Variants in IVD observed in about 807,000 individuals in gnomAD.
IVD encodes isovaleryl-CoA dehydrogenase, mitochondrial.
A neutral mutation model predicts 51.3 loss-of-function variants in IVD; 31 were observed. That is an observed-to-expected ratio of 0.60 (90% CI 0.45 to 0.81). IVD has a LOEUF of 0.81. IVD is among the 40% of genes least tolerant of loss of function. IVD has a pLI of 0.00. For missense variants in IVD, 475 were observed against 552.0 expected, an observed-to-expected ratio of 0.86 and a Z score of 1.40; for synonymous variants, 205 against 219.4, an observed-to-expected ratio of 0.93 and a Z score of 0.58.
downstream of IVD, among the ~76,000 whole-genome samples, chr15:40,425,965 TA>T (rs1174104741): frequency 3.9e-5 from 3 of 77,648 alleles, no homozygotes; most frequent in South Asian, 6.0e-4. Context: ...CCAGTCCGGC[TA>T]TTTTTTTTTT....
In IVD at chr15:40,412,978, GT is replaced by G; in HGVS notation, c.688-10del. 1 of 1,612,142 alleles carries G rather than the reference GT, an allele frequency of 6.2e-7. No homozygotes were observed. The highest frequency in any genetic ancestry group is 8.5e-7 in the Non-Finnish European group (1 of 1,178,204). Reference sequence around the variant, plus strand: ...TAATCTGTAACCAGGACCACCTTTTGTTTCCTGTAAAGGGTATGCCTGGCTT... The same window carrying G: ...TAATCTGTAACCAGGACCACCTTTTGTTCCTGTAAAGGGTATGCCTGGCTT... On this transcript the variant is annotated splice_polypyrimidine_tract_variant and intron_variant, in intron 6 of 11. Coordinates refer to ENST00000487418, the MANE Select transcript of IVD (RefSeq NM_002225.5).
At position 40,405,988 on chromosome 15, in the gene IVD, C is replaced by T; in HGVS notation, c.144+17C>T. 2 of 1,595,940 alleles carry T rather than the reference C, an allele frequency of 1.3e-6. No homozygotes were observed. Among genetic ancestry groups the T allele is most frequent in the Non-Finnish European group, 1.7e-6 (2 of 1,171,606 alleles). ...CAGAGGCAGGTGAGGAGACTGACCC[C>T]CTTCCTGGCCCCAAGGCCTCCTTCC... On this transcript the variant is annotated intron_variant, in intron 1 of 11. Transcript: ENST00000487418.
chr15:40,430,564 C>T (rs535157036), intron 7 of IVD, among the ~76,000 whole-genome samples: 3 of 152,184 alleles, frequency 2.0e-5, no homozygotes, highest in South Asian at 2.1e-4. Flanking sequence ...AGAGTGGATG[C>T]GGGAGGCTGG....
At chr15:40,415,595 G>T in intron 9 of IVD, 113 bp downstream of exon 9, 1 of 890,750 alleles carries the variant, frequency 1.1e-6, no homozygotes, top group Non-Finnish European at 1.8e-6. Context: ...CTAGCAAATT[G>T]AGCTTGACTG....
intron 4 of IVD, 35 bp downstream of exon 4, chr15:40,410,832 A>C: frequency 1.7e-4 from 273 of 1,605,338 alleles, no homozygotes; most frequent in Non-Finnish European, 2.2e-4. Context: ...CGCTAATCTC[A>C]CAGTGCAACC....
chr15:40,430,813 A>G (rs1240812236), intron 7 of IVD, among the ~76,000 whole-genome samples: 2 of 152,202 alleles, frequency 1.3e-5, no homozygotes, highest in African/African-American at 4.8e-5. Flanking sequence ...TTCTTGAAAG[A>G]CCATATTGAT....
At chr15:40,415,212 C>T (rs775595624) in intron 8 of IVD, 189 bp from the exon 9 acceptor site, 21 of 733,000 alleles carry the variant, frequency 2.9e-5, no homozygotes, top group African/African-American at 1.1e-4. Context: ...GTGGCTTACT[C>T]GGCTGTGAAA....
At chr15:40,413,562 C>A (rs1481448644) in intron 7 of IVD, among the ~76,000 whole-genome samples, 1 of 152,112 alleles carries the variant, frequency 6.6e-6, no homozygotes, top group East Asian at 1.9e-4. Flanking sequence ...AGTATTTTCT[C>A]CCCTGAGGTG....
At chr15:40,434,265 A>G (rs1290203736) in intron 8 of IVD, among the ~76,000 whole-genome samples, 1 of 152,248 alleles carries the variant, frequency 6.6e-6, no homozygotes, top group Non-Finnish European at 1.5e-5. Flanking sequence ...CAAAAATTTC[A>G]GCATTGGCCC....
chr15:40,407,152 CA>C (rs1890531157), intron 1 of IVD, among the ~76,000 whole-genome samples: 2 of 152,230 alleles, frequency 1.3e-5, no homozygotes, highest in Non-Finnish European at 2.9e-5. Context: ...CATGAGCCAC[CA>C]TGCCCAGCCG....
At chr15:40,406,278 C>G in intron 1 of IVD, 1 of 1,441,820 alleles carries the variant, frequency 6.9e-7, no homozygotes, top group Non-Finnish European at 9.2e-7. Flanking sequence ...GGAGGATTGG[C>G]CAGGCTACCT....
chr15:40,410,610 G>C lies in IVD; in HGVS notation c.287-18G>C, dbSNP rs758022841. 15 of 1,614,048 alleles carry C rather than the reference G, an allele frequency of 9.3e-6. 1 individual carries two copies. The South Asian group carries it at 1.5e-4, about 17-fold the overall frequency. On this transcript the variant is annotated intron_variant, in intron 3 of 11. Transcript: ENST00000487418. ...TCTGGGCTGCGTTTTCCACTCCCTT[G>C]TACCACACCACTCACAGTTCAGTAT...
At chr15:40,432,988 T>G (rs965628208) in intron 7 of IVD, among the ~76,000 whole-genome samples, 1 of 152,224 alleles carries the variant, frequency 6.6e-6, no homozygotes, top group Non-Finnish European at 1.5e-5. Context: ...ATGAAATAGA[T>G]TCACAATTGC....
intron 1 of IVD, 91 bp downstream of exon 1, chr15:40,406,062 G>C: frequency 6.7e-7 from 1 of 1,492,454 alleles, no homozygotes; most frequent in South Asian, 1.3e-5. Flanking sequence ...TCGGCCCAGC[G>C]CCCACCCAGC....
At chr15:40,417,783 G>A (rs113256939) in intron 11 of IVD, among the ~76,000 whole-genome samples, 70 of 152,284 alleles carry the variant, frequency 4.6e-4, no homozygotes, top group African/African-American at 1.5e-3. Flanking sequence ...ATGCTGGCAT[G>A]TCATAATAGT....
chr15:40,412,345 C>A (rs1174743728), intron 6 of IVD, among the ~76,000 whole-genome samples: 1 of 152,096 alleles, frequency 6.6e-6, no homozygotes, highest in Non-Finnish European at 1.5e-5. Flanking sequence ...AAGGCTGGGG[C>A]CACGAGTGGG....
chr15:40,410,681 G>A lies in IVD; in HGVS notation c.340G>A (p.Glu114Lys). 1.9e-6 allele frequency: 3 copies of A among 1,614,270 alleles called. No homozygotes were observed. The highest frequency in any genetic ancestry group is 2.7e-5 in the African/African-American group (2 of 75,072). Residue 114 changes from glutamate (E) to lysine (K), a missense_variant, in exon 4 of 12, where the codon GAG (glutamate) becomes AAG (lysine). By Grantham distance (56) the Glu-to-Lys change is moderately conservative. Coordinates refer to ENST00000487418, the MANE Select transcript of IVD (RefSeq NM_002225.5). The part of the protein sequence containing the change: ...GYLEHVLVME[E>K]ISRASGAVGL... ...CCTGGAGCATGTGCTGGTGATGGAGGAGATATCCCGAGCTTCCGGAGCAGT... is the reference window on the plus strand; with the variant it reads ...CCTGGAGCATGTGCTGGTGATGGAGAAGATATCCCGAGCTTCCGGAGCAGT...
In IVD at chr15:40,418,259, A is replaced by C; in HGVS notation, c.1268A>C (p.His423Pro). ...VIGRAFNADF[H>P] ...GGCAGAGCCTTCAATGCAGACTTTCACTAGTCCTGAGACCCTTCGCCCCCT... is the reference window on the plus strand; with the variant it reads ...GGCAGAGCCTTCAATGCAGACTTTCCCTAGTCCTGAGACCCTTCGCCCCCT... The change falls in exon 12 of 12, where the codon CAC (histidine) becomes CCC (proline). Residue 423 changes from histidine (H) to proline (P), a missense_variant. His to Pro is a moderately conservative substitution (Grantham distance 77). Transcript: ENST00000487418. 6.2e-7 allele frequency: 1 copy of C among 1,614,044 alleles called. No homozygotes were observed. Among genetic ancestry groups the C allele is most frequent in the East Asian group, 2.2e-5 (1 of 44,878 alleles).
At chr15:40,414,615 C>T (rs1891448509) in intron 7 of IVD, 1 of 414,288 alleles carries the variant, frequency 2.4e-6, no homozygotes, top group African/African-American at 2.0e-5. Flanking sequence ...TCTTCTTTCC[C>T]ATCCAAGGGA....
Sources: allele counts gnomAD v4.1 joint callset (sites outside exome capture counted in the v4.1 genomes callset), GRCh38; gene constraint gnomAD v4.1.1; transcripts MANE v1.5; gene names NCBI Gene and HGNC (gene_info 2026-07-23, HGNC 2026-07-21).